The following TBCEL variants were observed in gnomAD, a reference collection of about 807,000 sequenced individuals.
TBCEL encodes the protein tubulin-specific chaperone cofactor E-like protein.
A neutral mutation model predicts 44.2 loss-of-function variants in TBCEL; 15 were observed. The ratio of observed to expected loss-of-function variants is 0.34; its 90% CI spans 0.23 to 0.52. The LOEUF is 0.52. Ranked by LOEUF, TBCEL falls within the 20% of genes least tolerant of loss-of-function variation. TBCEL has a pLI of 0.95. For missense variants in TBCEL, 319 were observed against 506.3 expected, an observed-to-expected ratio of 0.63 and a Z score of 3.55; for synonymous variants, 171 against 185.4, an observed-to-expected ratio of 0.92 and a Z score of 0.63.
intron 2 of TBCEL, among the ~76,000 whole-genome samples, chr11:121,040,668 A>G (rs1945314796): frequency 6.6e-6 from 1 of 152,110 alleles, no homozygotes. Flanking sequence ...TTCTGCATAC[A>G]CAAATTCCAA....
intron 8 of TBCEL, among the ~76,000 whole-genome samples, chr11:121,064,018 G>A (rs905756151): frequency 6.6e-6 from 1 of 152,304 alleles, no homozygotes; most frequent in Middle Eastern, 3.4e-3. Flanking sequence ...TCATTTTTAA[G>A]TGGGGCTTGT....
chr11:121,038,222 C>A (rs2134897491), intron 2 of TBCEL, among the ~76,000 whole-genome samples: 1 of 152,278 alleles, frequency 6.6e-6, no homozygotes, highest in East Asian at 1.9e-4. Context: ...CCTCAGCCTC[C>A]CAAAGTTCTT....
At chr11:121,049,710 AG>A (rs1209266717) in intron 4 of TBCEL, among the ~76,000 whole-genome samples, 1 of 151,802 alleles carries the variant, frequency 6.6e-6, no homozygotes, top group African/African-American at 2.4e-5. Flanking sequence ...AATTTTACAA[AG>A]GTTTTGTGCC....
chr11:121,046,610 C>T (rs1054289078), intron 3 of TBCEL, among the ~76,000 whole-genome samples: 1 of 151,810 alleles, frequency 6.6e-6, no homozygotes, highest in African/African-American at 2.4e-5. Context: ...GGGATCCATT[C>T]CCACTGTGAT....
At chr11:121,060,189 G>C (rs373579335) in intron 8 of TBCEL, 104 bp downstream of exon 8, 5 of 752,204 alleles carry the variant, frequency 6.6e-6, no homozygotes, top group African/African-American at 5.3e-5. Flanking sequence ...ACCCTTCTTA[G>C]AGAACTTTGT....
At chr11:121,084,468 C>A (rs749709304) in intron 8 of TBCEL, among the ~76,000 whole-genome samples, 1 of 152,016 alleles carries the variant, frequency 6.6e-6, no homozygotes, top group Non-Finnish European at 1.5e-5. Context: ...CTGCCTCTGT[C>A]TTTTACTTAT....
intron 2 of TBCEL, among the ~76,000 whole-genome samples, chr11:121,044,040 T>G (rs1047543342): frequency 6.6e-6 from 1 of 152,132 alleles, no homozygotes; most frequent in Admixed American, 6.6e-5. Flanking sequence ...TCACCTGAAC[T>G]AGAAACCCTG....
intron 8 of TBCEL, among the ~76,000 whole-genome samples, chr11:121,079,646 G>T (rs1946089237): frequency 6.6e-6 from 1 of 152,172 alleles, no homozygotes; most frequent in South Asian, 2.1e-4. Flanking sequence ...AAATCCTTGA[G>T]TAGGTTGTCA....
At chr11:121,068,219 C>T (rs1379888871) in intron 8 of TBCEL, among the ~76,000 whole-genome samples, 2 of 152,138 alleles carry the variant, frequency 1.3e-5, no homozygotes, top group African/African-American at 4.8e-5. Flanking sequence ...ACTCAACTTT[C>T]GATACCCTCC....
chr11:121,063,723 C>G (rs1391472814), intron 8 of TBCEL, among the ~76,000 whole-genome samples: 2 of 152,170 alleles, frequency 1.3e-5, no homozygotes, highest in African/African-American at 4.8e-5. Context: ...CCATTATTTG[C>G]CTTTTTTTCT....
intron 4 of TBCEL, among the ~76,000 whole-genome samples, chr11:121,048,233 A>AAC (rs1659831943): frequency 6.6e-6 from 1 of 151,820 alleles, no homozygotes; most frequent in South Asian, 2.1e-4. Flanking sequence ...TGAAACTGAG[A>AAC]ATATATATAA....
chr11:121,082,859 T>C (rs775430250), intron 8 of TBCEL, among the ~76,000 whole-genome samples: 3 of 152,146 alleles, frequency 2.0e-5, no homozygotes, highest in Non-Finnish European at 4.4e-5. Flanking sequence ...CAAGCTGCTG[T>C]CCCTGGTGCT....
intron 8 of TBCEL, among the ~76,000 whole-genome samples, chr11:121,064,649 A>C (rs533591426): frequency 2.0e-4 from 31 of 152,166 alleles, no homozygotes; most frequent in African/African-American, 7.2e-4. Flanking sequence ...TCCTATCTGC[A>C]TCCCTGACCT....
rs1412458419 is a variant in TBCEL at position 121,089,145 on chromosome 11, G to A, written c.*2049G>A. The A allele has an allele frequency of 5.3e-5, 8 of 152,154 alleles. No individual in the cohort carries two copies. The highest frequency in any genetic ancestry group is 1.9e-4 in the East Asian group (1 of 5,196). The allele number at this position is 152,154 out of a possible 1,614,324, so 9.4% of individuals were successfully genotyped here. On this transcript the variant is annotated 3_prime_UTR_variant, in exon 9 of 9. Transcript: ENST00000683345. ...TTTTGTCAGCCTGGGAAACAGATGC[G>A]TTCTTATTTTTTGAAGTTGTGTGAC...
intron 4 of TBCEL, among the ~76,000 whole-genome samples, chr11:121,052,561 G>C (rs912747826): frequency 1.3e-5 from 2 of 151,810 alleles, no homozygotes; most frequent in Admixed American, 1.3e-4. Flanking sequence ...TTGCCTGGTT[G>C]TTTGATGCTT....
At chr11:121,051,555 T>C (rs768086711) in intron 4 of TBCEL, among the ~76,000 whole-genome samples, 13 of 151,776 alleles carry the variant, frequency 8.6e-5, no homozygotes, top group Admixed American at 4.6e-4. Context: ...GATTGGTTCC[T>C]GCATGAACTA....
In TBCEL at chr11:121,081,593, G is replaced by T. The variant is rs370453635; in HGVS notation, c.957-5185G>T. Among the ~76,000 whole-genome samples the T allele has an allele frequency of 7.9e-5, 12 of 152,264 alleles. No individual in the cohort carries two copies. The East Asian group carries it at 1.3e-3, about 17-fold the overall frequency. ...GGAACTAATGCTAAGAAAAGCTCAG[G>T]CATGCAATGCATGCAGTATAGTTCA... On this transcript the variant is annotated intron_variant, in intron 8 of 8. Coordinates refer to ENST00000683345, the MANE Select transcript of TBCEL (RefSeq NM_001363644.2).
chr11:121,053,811 G>A (rs1015801316), intron 5 of TBCEL, 79 bp downstream of exon 5: 6 of 1,425,686 alleles, frequency 4.2e-6, no homozygotes, highest in Admixed American at 4.6e-5. Context: ...GATCTCCCAC[G>A]CAAGAAATAC....
At chr11:121,068,416 C>G (rs924296367) in intron 8 of TBCEL, among the ~76,000 whole-genome samples, 1 of 151,670 alleles carries the variant, frequency 6.6e-6, no homozygotes, top group Non-Finnish European at 1.5e-5. Flanking sequence ...ACTTTCAAAA[C>G]CTATGTATAG....
Sources: gnomAD v4.1 joint callset for allele counts (sites outside exome capture counted in the v4.1 genomes callset) on GRCh38, gnomAD v4.1.1 for gene constraint, MANE v1.5 for transcripts, NCBI Gene and HGNC (gene_info 2026-07-23, HGNC 2026-07-21) for gene names.